The following TENM4 variants were observed in gnomAD, a reference collection of about 807,000 sequenced individuals.
TENM4 encodes teneurin-4.
Under a neutral mutation model 243.3 loss-of-function variants are expected in TENM4, and 82 were observed. The ratio of observed to expected loss-of-function variants is 0.34; its 90% CI spans 0.28 to 0.40. The LOEUF (loss-of-function observed/expected upper bound fraction) is 0.40, where lower values mean the gene tolerates loss of function less well. TENM4 is among the 10% of genes least tolerant of loss of function. TENM4 has a pLI of 1.00. For synonymous variants in TENM4, 1,412 were observed against 1,456.3 expected (o/e 0.97, Z 0.69); for missense variants, 3,138 against 3,673.3 (o/e 0.85, Z 3.77).
intron 3 of TENM4, among the ~76,000 whole-genome samples, chr11:79,194,014 A>G (rs951695199): frequency 6.6e-6 from 1 of 151,632 alleles, no homozygotes; most frequent in East Asian, 2.0e-4. Flanking sequence ...TGTGGGAGGG[A>G]CTCAGGGGGA....
intron 6 of TENM4, among the ~76,000 whole-genome samples, chr11:79,041,451 T>C (rs2136902405): frequency 6.7e-6 from 1 of 148,946 alleles, no homozygotes; most frequent in East Asian, 2.0e-4. Context: ...GAATAACAGA[T>C]ATTGAAATCC....
intron 28 of TENM4, among the ~76,000 whole-genome samples, chr11:78,691,849 T>C (rs1837065352): frequency 6.6e-6 from 1 of 152,224 alleles, no homozygotes; most frequent in Non-Finnish European, 1.5e-5. Flanking sequence ...TATTCATTCA[T>C]TGTAGTACCT....
intron 6 of TENM4, among the ~76,000 whole-genome samples, chr11:78,915,207 C>T (rs1383113182): frequency 6.6e-6 from 1 of 152,202 alleles, no homozygotes; most frequent in Non-Finnish European, 1.5e-5. Flanking sequence ...GGAGGCTTTT[C>T]ACACCTTTGC....
intron 4 of TENM4, among the ~76,000 whole-genome samples, chr11:79,138,988 ATAAATATATAAAATATATATTATATTTC>A (rs1565219969): frequency 0.027 from 2,455 of 90,274 alleles, 395 homozygotes; most frequent in Admixed American, 0.035. Flanking sequence ...TTATATTTCT[ATAAATATATAAAATATATATTATATTTC>A]TATAAATATA....
intron 4 of TENM4, among the ~76,000 whole-genome samples, chr11:79,081,723 C>A (rs115124579): frequency 6.6e-6 from 1 of 152,200 alleles, no homozygotes; most frequent in East Asian, 1.9e-4. Flanking sequence ...TCGGAGTGCT[C>A]GTGGCTGACA....
intron 12 of TENM4, among the ~76,000 whole-genome samples, chr11:78,824,564 C>T (rs553283615): frequency 1.5e-4 from 22 of 150,076 alleles, no homozygotes; most frequent in African/African-American, 5.2e-4. Context: ...TGCAGTGGCA[C>T]GATCTCGGCT....
chr11:79,381,875 T>A (rs904696126), intron 1 of TENM4, among the ~76,000 whole-genome samples: 1 of 151,988 alleles, frequency 6.6e-6, no homozygotes, highest in Non-Finnish European at 1.5e-5. Flanking sequence ...GCCGTCCTGT[T>A]CCAGAGCCCA....
chr11:79,322,059 C>T (rs1034384491), intron 1 of TENM4, among the ~76,000 whole-genome samples: 2 of 152,174 alleles, frequency 1.3e-5, no homozygotes, highest in Admixed American at 6.5e-5. Flanking sequence ...ACAGGGAGGG[C>T]TCACCTTGCC....
At chr11:79,046,782 T>C (rs1859670395) in intron 6 of TENM4, among the ~76,000 whole-genome samples, 2 of 152,160 alleles carry the variant, frequency 1.3e-5, no homozygotes. Context: ...TGGCCCTGTC[T>C]ATACCACCCA....
intron 1 of TENM4, among the ~76,000 whole-genome samples, chr11:79,299,450 T>C (rs1483814032): frequency 3.3e-5 from 5 of 152,212 alleles, no homozygotes; most frequent in African/African-American, 4.8e-5. Flanking sequence ...CTGTGCCATC[T>C]GGCCACCAAT....
chr11:78,826,918 T>G (rs4945311), intron 12 of TENM4, among the ~76,000 whole-genome samples: 4 of 152,210 alleles, frequency 2.6e-5, no homozygotes, highest in Admixed American at 1.3e-4. Flanking sequence ...TGTAGCTTCC[T>G]GCACTAATGT....
chr11:79,436,554 C>A (rs139815482), intron 1 of TENM4, among the ~76,000 whole-genome samples: 52 of 152,310 alleles, frequency 3.4e-4, no homozygotes, highest in African/African-American at 1.2e-3. Flanking sequence ...GAATCAGATT[C>A]TATTGGAAGA....
At chr11:79,390,305 G>T (rs1301790907) in intron 1 of TENM4, among the ~76,000 whole-genome samples, 1 of 152,210 alleles carries the variant, frequency 6.6e-6, no homozygotes, top group Non-Finnish European at 1.5e-5. Flanking sequence ...GGTACTCCAA[G>T]GCCTGTGCCA....
At chr11:79,198,045 C>G (rs1250777228) in intron 3 of TENM4, among the ~76,000 whole-genome samples, 1 of 152,202 alleles carries the variant, frequency 6.6e-6, no homozygotes, top group East Asian at 1.9e-4. Context: ...GCAACACCAT[C>G]AACCACCTAA....
intron 1 of TENM4, among the ~76,000 whole-genome samples, chr11:79,340,184 CA>C (rs575393061): frequency 2.0e-5 from 3 of 152,160 alleles, no homozygotes; most frequent in Non-Finnish European, 4.4e-5. Flanking sequence ...GTGGAAATGT[CA>C]CTTTGCTGGT....
intron 3 of TENM4, among the ~76,000 whole-genome samples, chr11:79,176,048 C>T (rs751452599): frequency 3.7e-4 from 56 of 152,268 alleles, no homozygotes; most frequent in Admixed American, 1.6e-3. Context: ...GCCGTGATCA[C>T]ACCACTGCAC....
intron 16 of TENM4, among the ~76,000 whole-genome samples, chr11:78,783,594 C>T (rs1020664604): frequency 1.3e-5 from 2 of 152,194 alleles, no homozygotes; most frequent in Admixed American, 6.5e-5. Context: ...CAGGCAACTG[C>T]GTGGTCTGGC....
Position 78,990,999 on chromosome 11 carries a change from C to G in TENM4, c.493+73739G>C, listed in dbSNP as rs149193968. On this transcript the variant is annotated intron_variant, in intron 6 of 33. Transcript: ENST00000278550. Reference sequence around the variant, plus strand: ...TAGCAGTGCTGTTAGGACACAGGGCCCAGAGAGATGATAAATGCTGCATAG... The same window carrying G: ...TAGCAGTGCTGTTAGGACACAGGGCGCAGAGAGATGATAAATGCTGCATAG... Among the ~76,000 whole-genome samples, 3 of 152,146 alleles carry G rather than the reference C, an allele frequency of 2.0e-5. No individual in the cohort carries two copies. The East Asian group carries it at 5.8e-4, about 29-fold the overall frequency.
rs758089053 is a variant in TENM4 at position 79,218,404 on chromosome 11, C to T, written c.-264-2495G>A. On this transcript the variant is annotated intron_variant, in intron 2 of 33. Coordinates refer to ENST00000278550, the MANE Select transcript of TENM4 (RefSeq NM_001098816.3). Reference sequence around the variant, plus strand: ...GACACAGAGCTGTTAGCTTTGTCCCCAAGGGTCCTGCTGGGGTCCTAGTCA... The same window carrying T: ...GACACAGAGCTGTTAGCTTTGTCCCTAAGGGTCCTGCTGGGGTCCTAGTCA... Among the ~76,000 whole-genome samples the T allele has an allele frequency of 1.1e-4, 16 of 152,238 alleles. No individual in the cohort carries two copies. In the South Asian group the frequency reaches 1.7e-3, roughly 16 times the overall value.
Sources: gnomAD v4.1 joint callset for allele counts (sites outside exome capture counted in the v4.1 genomes callset) on GRCh38, gnomAD v4.1.1 for gene constraint, MANE v1.5 for transcripts, NCBI Gene and HGNC (gene_info 2026-07-23, HGNC 2026-07-21) for gene names.